Variants in GLG1 observed in about 807,000 individuals in gnomAD.
The protein encoded by GLG1 is Golgi apparatus protein 1.
Under a neutral mutation model 160.5 loss-of-function variants are expected in GLG1, and 38 were observed. That is an observed-to-expected ratio of 0.24 (90% CI 0.18 to 0.31). GLG1 has a LOEUF of 0.31. Among genes scored for constraint, GLG1 ranks in the 10% least tolerant of loss-of-function variants. The pLI, the probability that GLG1 is intolerant of heterozygous loss-of-function variation, is 1.00. For missense variants in GLG1, 1,373 were observed against 1,505.2 expected, an observed-to-expected ratio of 0.91 and a Z score of 1.45; for synonymous variants, 644 against 543.4, an observed-to-expected ratio of 1.19 and a Z score of -2.57.
chr16:74,547,702 T>C (rs1223824822), intron 1 of GLG1, among the ~76,000 whole-genome samples: 2 of 152,238 alleles, frequency 1.3e-5, no homozygotes. Flanking sequence ...CTTTCTCCCA[T>C]AAAAATTAGA....
intron 1 of GLG1, among the ~76,000 whole-genome samples, chr16:74,598,120 C>A (rs1958350041): frequency 6.6e-6 from 1 of 152,162 alleles, no homozygotes; most frequent in Admixed American, 6.6e-5. Flanking sequence ...TCCCTCAGAA[C>A]AGGGCACACA....
intron 17 of GLG1, chr16:74,468,465 A>AC (rs2015081231): frequency 6.4e-6 from 1 of 156,786 alleles, no homozygotes; most frequent in Admixed American, 6.2e-5. Context: ...TGAATTACAG[A>AC]CCTCAAGTGA....
intron 1 of GLG1, among the ~76,000 whole-genome samples, chr16:74,571,418 T>C (rs2018823252): frequency 6.6e-6 from 1 of 152,140 alleles, no homozygotes; most frequent in African/African-American, 2.4e-5. Context: ...CTCACGCAAG[T>C]AATCCATGTT....
At chr16:74,564,507 A>G (rs746755184) in intron 1 of GLG1, among the ~76,000 whole-genome samples, 5 of 152,202 alleles carry the variant, frequency 3.3e-5, no homozygotes, top group Non-Finnish European at 7.3e-5. Flanking sequence ...GTAAGTTCAA[A>G]TGGTCTCTCT....
intron 3 of GLG1, among the ~76,000 whole-genome samples, chr16:74,505,333 C>A (rs572156865): frequency 6.6e-6 from 1 of 152,210 alleles, no homozygotes; most frequent in African/African-American, 2.4e-5. Context: ...AAATAATAGT[C>A]TCACACTGGT....
intron 6 of GLG1, among the ~76,000 whole-genome samples, 195 bp downstream of exon 6, chr16:74,494,565 G>T (rs7195196): frequency 0.67 from 101,270 of 150,866 alleles, 34,140 homozygotes; most frequent in East Asian, 0.81. Context: ...CACCACCACG[G>T]CCGACTAATT....
intron 1 of GLG1, among the ~76,000 whole-genome samples, chr16:74,584,869 T>C (rs899886865): frequency 3.3e-5 from 5 of 151,916 alleles, no homozygotes; most frequent in Middle Eastern, 3.4e-3. Flanking sequence ...TGAGCTGAGA[T>C]TGTGCCACTG....
At chr16:74,482,896 T>C in intron 10 of GLG1, 127 bp downstream of exon 10, 2 of 660,464 alleles carry the variant, frequency 3.0e-6, no homozygotes, top group Non-Finnish European at 2.7e-6. Flanking sequence ...GGGATTGGAG[T>C]GTGTTAGCTG....
intron 23 of GLG1, chr16:74,458,365 T>A (rs1197451528): frequency 5.7e-6 from 1 of 174,294 alleles, no homozygotes; most frequent in East Asian, 1.5e-4. Context: ...AAACGTGAAA[T>A]CTTAAAATCA....
chr16:74,517,663 C>G (rs1277352414), intron 2 of GLG1, among the ~76,000 whole-genome samples: 1 of 152,148 alleles, frequency 6.6e-6, no homozygotes, highest in African/African-American at 2.4e-5. Context: ...CCTCTCTCAC[C>G]ACTCCTATTC....
chr16:74,581,987 C>G (rs1166622437), intron 1 of GLG1, among the ~76,000 whole-genome samples: 4 of 151,914 alleles, frequency 2.6e-5, no homozygotes, highest in Non-Finnish European at 5.9e-5. Context: ...GGCTTGAACC[C>G]TCTCCTCCTT....
chr16:74,492,474 G>C (rs1290515074), intron 7 of GLG1, among the ~76,000 whole-genome samples: 5 of 151,722 alleles, frequency 3.3e-5, no homozygotes, highest in Admixed American at 3.3e-4. Flanking sequence ...GTGAGGGCAG[G>C]AGTTTTGAGA....
chr16:74,501,137 T>C (rs891042381), intron 4 of GLG1, among the ~76,000 whole-genome samples: 1 of 152,246 alleles, frequency 6.6e-6, no homozygotes, highest in Non-Finnish European at 1.5e-5. Flanking sequence ...GTTTTCTATC[T>C]GAATAACTGG....
At chr16:74,564,501 G>A (rs559703833) in intron 1 of GLG1, among the ~76,000 whole-genome samples, 1 of 152,286 alleles carries the variant, frequency 6.6e-6, no homozygotes, top group African/African-American at 2.4e-5. Flanking sequence ...ATCTATGTAA[G>A]TTCAAATGGT....
intron 7 of GLG1, among the ~76,000 whole-genome samples, chr16:74,491,943 A>G (rs532859502): frequency 2.0e-5 from 3 of 151,854 alleles, no homozygotes; most frequent in South Asian, 2.1e-4. Flanking sequence ...ACTTAAAACA[A>G]AAAGATTAAA....
chr16:74,500,233 C>T (rs936215180), intron 4 of GLG1, among the ~76,000 whole-genome samples: 1 of 152,044 alleles, frequency 6.6e-6, no homozygotes, highest in Admixed American at 6.6e-5. Context: ...TACACACCTG[C>T]ACATTATGAG....
chr16:74,466,463 A>T, intron 18 of GLG1, among the ~76,000 whole-genome samples: 1 of 152,224 alleles, frequency 6.6e-6, no homozygotes, highest in Non-Finnish European at 1.5e-5. Flanking sequence ...GGGAAGGTGC[A>T]GCAGCTGGGG....
At chr16:74,479,898 G>C (rs1326647445) in intron 11 of GLG1, among the ~76,000 whole-genome samples, 1 of 152,120 alleles carries the variant, frequency 6.6e-6, no homozygotes, top group Non-Finnish European at 1.5e-5. Flanking sequence ...AAATCCATTT[G>C]TAGCCTGGCT....
intron 1 of GLG1, among the ~76,000 whole-genome samples, chr16:74,578,823 G>C (rs1451701531): frequency 6.6e-6 from 1 of 152,164 alleles, no homozygotes; most frequent in Non-Finnish European, 1.5e-5. Context: ...AAGTCATTCT[G>C]TGAAAACAAG....
Sources: allele counts gnomAD v4.1 joint callset (sites outside exome capture counted in the v4.1 genomes callset), GRCh38; gene constraint gnomAD v4.1.1; transcripts MANE v1.5; gene names NCBI Gene and HGNC (gene_info 2026-07-23, HGNC 2026-07-21).